VSNL1: variants seen among roughly 807,000 people sequenced by gnomAD.
VSNL1 encodes the protein visinin-like protein 1.
Under a neutral mutation model 20.4 loss-of-function variants are expected in VSNL1, and 6 were observed. The ratio of observed to expected loss-of-function variants is 0.29; its 90% confidence interval spans 0.16 to 0.58. The LOEUF (loss-of-function observed/expected upper bound fraction) is 0.58. Ranked by LOEUF, VSNL1 falls within the 20% of genes least tolerant of loss-of-function variation. The probability of loss-of-function intolerance (pLI) is 0.90; values close to 1 mark genes in which losing one functional copy is unlikely to be tolerated. For missense variants in VSNL1, 100 were observed against 234.5 expected, an observed-to-expected ratio of 0.43 and a Z score of 3.75; for synonymous variants, 93 against 86.4, an observed-to-expected ratio of 1.08 and a Z score of -0.42.
intron 1 of VSNL1, chr2:17,567,810 T>G (rs1197041272): frequency 6.6e-6 from 1 of 152,166 alleles, no homozygotes; most frequent in East Asian, 1.9e-4. Context: ...ATTGAATGCT[T>G]TTCTAATAAA....
chr2:17,647,498 AAGGCACAGG>A (rs1666024014), intron 2 of VSNL1, among the ~76,000 whole-genome samples: 1 of 152,202 alleles, frequency 6.6e-6, no homozygotes, highest in Non-Finnish European at 1.5e-5. Flanking sequence ...ACTCATGCAT[AAGGCACAGG>A]AGGAGCAAAC....
chr2:17,589,647 C>T (rs909450410), intron 1 of VSNL1, among the ~76,000 whole-genome samples: 1 of 152,194 alleles, frequency 6.6e-6, no homozygotes, highest in Non-Finnish European at 1.5e-5. Flanking sequence ...CTGTGATTCA[C>T]AGTCCTGACA....
At chr2:17,590,582 G>A (rs1664574883) in intron 1 of VSNL1, among the ~76,000 whole-genome samples, 1 of 152,146 alleles carries the variant, frequency 6.6e-6, no homozygotes, top group African/African-American at 2.4e-5. Context: ...ACTGCATTTT[G>A]TGCTGCCGAG....
At chr2:17,607,012 G>C (rs1303877623) in intron 2 of VSNL1, among the ~76,000 whole-genome samples, 2 of 152,148 alleles carry the variant, frequency 1.3e-5, no homozygotes, top group Non-Finnish European at 2.9e-5. Flanking sequence ...GCTGAACATG[G>C]CAGAGTAGAA....
intron 2 of VSNL1, among the ~76,000 whole-genome samples, chr2:17,622,601 A>AAAGAAAGAAAGAAAGAAAGAAAGG (rs1349807130): frequency 3.9e-5 from 5 of 126,612 alleles, no homozygotes; most frequent in South Asian, 2.6e-4. Flanking sequence ...AGAAAGAAAG[A>AAAGAAAGAAAGAAAGAAAGAAAGG]AAAGAAAGAA....
At position 17,592,017 on chromosome 2, in the gene VSNL1, G is replaced by C. The variant is rs537500124; in HGVS notation, c.-5-53G>C. 84 of 1,607,916 alleles carry C rather than the reference G, an allele frequency of 5.2e-5. No individual in the cohort carries two copies. The East Asian group carries it at 1.6e-3, about 31-fold the overall frequency. On this transcript the variant is annotated intron_variant, in intron 1 of 3. Transcript: ENST00000295156. ...GAACTCTAGCTTGGCTCCTAACCAAGTTTGAAATGATCACAGCCACAGCGC... is the reference window on the plus strand; with the variant it reads ...GAACTCTAGCTTGGCTCCTAACCAACTTTGAAATGATCACAGCCACAGCGC...
At chr2:17,623,790 G>A (rs1665441570) in intron 2 of VSNL1, among the ~76,000 whole-genome samples, 1 of 152,098 alleles carries the variant, frequency 6.6e-6, no homozygotes, top group South Asian at 2.1e-4. Flanking sequence ...TTTGTGGAGA[G>A]TGGAACATAA....
chr2:17,588,736 G>A (rs1028432147), intron 1 of VSNL1, among the ~76,000 whole-genome samples: 2 of 152,146 alleles, frequency 1.3e-5, no homozygotes, highest in Non-Finnish European at 2.9e-5. Context: ...ATCTCCAGGA[G>A]GGCTGAATAT....
chr2:17,592,363 C>T (rs1243671235), intron 2 of VSNL1, 127 bp downstream of exon 2: 1 of 1,022,966 alleles, frequency 9.8e-7, no homozygotes, highest in Admixed American at 2.4e-5. Context: ...GTTTTCCATC[C>T]AGAAAGAAAA....
intron 2 of VSNL1, among the ~76,000 whole-genome samples, chr2:17,599,714 G>C (rs527276561): frequency 4.6e-5 from 7 of 152,194 alleles, no homozygotes; most frequent in Admixed American, 2.6e-4. Context: ...CTATGAAATC[G>C]ATCTTAGAGA....
chr2:17,571,664 C>T (rs529811499), intron 1 of VSNL1, among the ~76,000 whole-genome samples: 1 of 152,298 alleles, frequency 6.6e-6, no homozygotes, highest in East Asian at 1.9e-4. Context: ...GACCAGGTTC[C>T]TGCCCTCTTG....
chr2:17,605,950 C>T (rs747363529), intron 2 of VSNL1, among the ~76,000 whole-genome samples: 3 of 152,318 alleles, frequency 2.0e-5, no homozygotes, highest in South Asian at 2.1e-4. Context: ...GCTCAGTGTG[C>T]GTCAGGCATT....
chr2:17,649,326 CT>C lies in VSNL1; in HGVS notation c.163-83del, dbSNP rs1480737951. On this transcript the variant is annotated intron_variant, in intron 2 of 3. Transcript: ENST00000295156. This position sits in a 1 kb window ranked among gnomAD's most constrained non-coding sequence, Gnocchi z 6.4. Reference sequence around the variant, plus strand: ...AGGCTCCGACAACGCCCAGGAGCACCTGTGATGCCGTCATTAGGAACCTACC... The same window carrying C: ...AGGCTCCGACAACGCCCAGGAGCACCGTGATGCCGTCATTAGGAACCTACC... 2 of 1,374,436 alleles carry C rather than the reference CT, an allele frequency of 1.5e-6. No homozygotes were observed. Among genetic ancestry groups the C allele is most frequent in the African/African-American group, 1.4e-5 (1 of 70,044 alleles). The allele number at this position is 1,374,436 out of a possible 1,614,324, so 85.1% of individuals were successfully genotyped here.
intron 2 of VSNL1, among the ~76,000 whole-genome samples, chr2:17,613,386 C>G (rs1305226214): frequency 6.6e-6 from 1 of 152,194 alleles, no homozygotes; most frequent in Non-Finnish European, 1.5e-5. Context: ...ATGAATTATA[C>G]ATGTACCTAC....
At chr2:17,599,199 G>A (rs1038760804) in intron 2 of VSNL1, among the ~76,000 whole-genome samples, 11 of 152,172 alleles carry the variant, frequency 7.2e-5, no homozygotes, top group Middle Eastern at 3.2e-3. Flanking sequence ...CTATCACACT[G>A]GGTTGATTGT....
intron 1 of VSNL1, among the ~76,000 whole-genome samples, chr2:17,590,368 A>T (rs1278107683): frequency 1.3e-5 from 2 of 152,194 alleles, no homozygotes; most frequent in African/African-American, 4.8e-5. Context: ...ACACCTGAGT[A>T]CCCACTTGAT....
chr2:17,549,097 A>C (rs574755958), intron 1 of VSNL1, among the ~76,000 whole-genome samples: 1 of 152,130 alleles, frequency 6.6e-6, no homozygotes, highest in Non-Finnish European at 1.5e-5. Context: ...CACCTGTTAA[A>C]CACTTCAGGA....
chr2:17,543,319 C>T (rs1663334097), intron 1 of VSNL1, among the ~76,000 whole-genome samples: 1 of 152,210 alleles, frequency 6.6e-6, no homozygotes, highest in Non-Finnish European at 1.5e-5. Context: ...TGCCCAGGGC[C>T]CATTTCCATC....
intron 1 of VSNL1, among the ~76,000 whole-genome samples, chr2:17,562,307 C>G (rs1223528023): frequency 6.6e-6 from 1 of 152,130 alleles, no homozygotes; most frequent in African/African-American, 2.4e-5. Flanking sequence ...GTTTCCAAAG[C>G]TTAGTGTTCA....
Sources: allele counts gnomAD v4.1 joint callset (sites outside exome capture counted in the v4.1 genomes callset), GRCh38; gene constraint gnomAD v4.1.1; non-coding constraint Gnocchi (gnomAD v3.1); transcripts MANE v1.5; gene names NCBI Gene and HGNC (gene_info 2026-07-23, HGNC 2026-07-21).